KCNN2: variants seen among roughly 807,000 people sequenced by gnomAD.
The protein encoded by KCNN2 is potassium calcium-activated channel subfamily N member 2.
A neutral mutation model predicts 55.5 loss-of-function variants in KCNN2; 24 were observed. The ratio of observed to expected loss-of-function variants is 0.43; its 90% CI spans 0.31 to 0.61. The LOEUF (loss-of-function observed/expected upper bound fraction) is 0.61. Among genes scored for constraint, KCNN2 ranks in the 20% least tolerant of loss-of-function variants. The pLI is 0.08. For synonymous variants in KCNN2, 431 were observed against 336.1 expected, an observed-to-expected ratio of 1.28 and a Z score of -3.09; for missense variants, 754 against 853.6, an observed-to-expected ratio of 0.88 and a Z score of 1.45.
chr5:114,400,928 C>T (rs914763628), intron 2 of KCNN2, among the ~76,000 whole-genome samples: 22 of 151,762 alleles, frequency 1.4e-4, no homozygotes, highest in South Asian at 4.2e-4. Context: ...TGTCCAAAAG[C>T]GTAATTACTT....
At chr5:114,491,616 TAGAAG>T (rs1028907110) in intron 6 of KCNN2, among the ~76,000 whole-genome samples, 3 of 151,574 alleles carry the variant, frequency 2.0e-5, no homozygotes, top group African/African-American at 7.3e-5. Flanking sequence ...AATGAAGAAT[TAGAAG>T]AGAACTAAAA....
intron 2 of KCNN2, among the ~76,000 whole-genome samples, chr5:114,386,554 A>G (rs1262361138): frequency 2.0e-5 from 3 of 152,236 alleles, no homozygotes; most frequent in Non-Finnish European, 4.4e-5. Flanking sequence ...GCCAATTTAA[A>G]AATCATGCAG....
intron 2 of KCNN2, among the ~76,000 whole-genome samples, chr5:114,308,528 C>T (rs1756334597): frequency 6.6e-6 from 1 of 152,118 alleles, no homozygotes; most frequent in Non-Finnish European, 1.5e-5. Flanking sequence ...TTCTAGGTTA[C>T]ATATGTGTAT....
At chr5:114,381,561 G>A (rs1758126506) in intron 2 of KCNN2, among the ~76,000 whole-genome samples, 5 of 152,168 alleles carry the variant, frequency 3.3e-5, no homozygotes, top group Admixed American at 3.3e-4. Context: ...CTCTGGGCCC[G>A]CTTGTGTCCC....
chr5:114,166,848 C>G (rs186132101), intron 1 of KCNN2, among the ~76,000 whole-genome samples: 5 of 152,090 alleles, frequency 3.3e-5, no homozygotes, highest in African/African-American at 1.2e-4. Context: ...GATCAGTGCC[C>G]TTTTAAGAGA....
At chr5:114,461,191 A>G (rs1415247236) in intron 3 of KCNN2, among the ~76,000 whole-genome samples, 1 of 152,194 alleles carries the variant, frequency 6.6e-6, no homozygotes, top group Admixed American at 6.5e-5. Context: ...ATCACATAGC[A>G]TCTTCCTAGG....
chr5:114,394,812 C>A (rs986821484), intron 2 of KCNN2, among the ~76,000 whole-genome samples: 1 of 152,094 alleles, frequency 6.6e-6, no homozygotes, highest in African/African-American at 2.4e-5. Context: ...CTATTTTAGA[C>A]TTTCTGTTCT....
chr5:114,082,987 G>A (rs1750858523), intron 1 of KCNN2, among the ~76,000 whole-genome samples: 2 of 152,076 alleles, frequency 1.3e-5, no homozygotes, highest in Admixed American at 1.3e-4. Context: ...ATGGATAGTG[G>A]TGATGGTTGC....
At chr5:114,158,081 G>T (rs947493328) in intron 1 of KCNN2, among the ~76,000 whole-genome samples, 1 of 152,152 alleles carries the variant, frequency 6.6e-6, no homozygotes, top group African/African-American at 2.4e-5. Flanking sequence ...CCTTGCCCAT[G>T]CCTATGGCCT....
chr5:114,244,707 G>T (rs769431066), intron 2 of KCNN2, among the ~76,000 whole-genome samples: 36 of 152,154 alleles, frequency 2.4e-4, no homozygotes, highest in Non-Finnish European at 4.9e-4. Flanking sequence ...TAGTCCATCT[G>T]TGTTGTGTTG....
At chr5:114,431,123 C>G (rs183498022) in intron 3 of KCNN2, among the ~76,000 whole-genome samples, 1 of 151,996 alleles carries the variant, frequency 6.6e-6, no homozygotes, top group Non-Finnish European at 1.5e-5. Flanking sequence ...ACTTACCCCC[C>G]CATCCCGGCT....
intron 1 of KCNN2, among the ~76,000 whole-genome samples, chr5:114,201,149 G>T (rs1233995550): frequency 2.0e-5 from 3 of 152,176 alleles, no homozygotes; most frequent in African/African-American, 7.2e-5. Context: ...TGGGTTGGTG[G>T]TGTTAGAAGC....
intron 1 of KCNN2, among the ~76,000 whole-genome samples, chr5:114,216,944 C>T (rs1372767181): frequency 6.6e-6 from 1 of 152,066 alleles, no homozygotes; most frequent in African/African-American, 2.4e-5. Flanking sequence ...ACACAAAAGT[C>T]AATTGCTTTC....
chr5:114,432,872 A>C (rs1225878083), intron 3 of KCNN2, among the ~76,000 whole-genome samples: 1 of 152,198 alleles, frequency 6.6e-6, no homozygotes, highest in African/African-American at 2.4e-5. Flanking sequence ...GTGCCAGCTC[A>C]CCAGCGCTGC....
At chr5:114,162,318 A>G (rs1264486190) in intron 1 of KCNN2, among the ~76,000 whole-genome samples, 2 of 152,042 alleles carry the variant, frequency 1.3e-5, no homozygotes, top group Admixed American at 1.3e-4. Flanking sequence ...AGAACAGCGG[A>G]TATCGGTGAA....
chr5:114,193,524 T>A (rs576746920), intron 1 of KCNN2, among the ~76,000 whole-genome samples: 1 of 152,280 alleles, frequency 6.6e-6, no homozygotes, highest in Admixed American at 6.5e-5. Context: ...GCTATTCAGA[T>A]TCTTCTCAAC....
intron 6 of KCNN2, among the ~76,000 whole-genome samples, chr5:114,491,904 A>T (rs1747876344): frequency 6.6e-6 from 1 of 152,168 alleles, no homozygotes; most frequent in Admixed American, 6.6e-5. Context: ...GGCACACATC[A>T]AAAATTGTAA....
At chr5:114,202,141 TG>T (rs1185876038) in intron 1 of KCNN2, among the ~76,000 whole-genome samples, 1 of 152,064 alleles carries the variant, frequency 6.6e-6, no homozygotes, top group Non-Finnish European at 1.5e-5. Flanking sequence ...CCCTAGTAGC[TG>T]GGCTGTCAAA....
At chr5:114,484,121 G>A (rs1455530241) in intron 5 of KCNN2, among the ~76,000 whole-genome samples, 1 of 152,130 alleles carries the variant, frequency 6.6e-6, no homozygotes, top group African/African-American at 2.4e-5. Flanking sequence ...GTGCTGTGGT[G>A]CCCAGTTAAC....
Sources: gnomAD v4.1 joint callset for allele counts (sites outside exome capture counted in the v4.1 genomes callset) on GRCh38, gnomAD v4.1.1 for gene constraint, MANE v1.5 for transcripts, NCBI Gene and HGNC (gene_info 2026-07-23, HGNC 2026-07-21) for gene names.